Variants in FGF14 observed in about 807,000 individuals in gnomAD.
The protein encoded by FGF14 is fibroblast growth factor 14.
Under a neutral mutation model 25.5 loss-of-function variants are expected in FGF14, and 5 were observed. The ratio of observed to expected loss-of-function variants is 0.20; its 90% confidence interval spans 0.10 to 0.41. FGF14 has a LOEUF of 0.41. Among genes scored for constraint, FGF14 ranks in the 10% least tolerant of loss-of-function variants. The pLI is 1.00. For missense variants in FGF14, 222 were observed against 320.1 expected (o/e 0.69, Z 2.34); for synonymous variants, 138 against 118.3 (o/e 1.17, Z -1.08).
At chr13:102,198,065 C>T (rs1042057929) in intron 1 of FGF14, among the ~76,000 whole-genome samples, 1 of 152,188 alleles carries the variant, frequency 6.6e-6, no homozygotes, top group Non-Finnish European at 1.5e-5. Flanking sequence ...CCAGCTTTAT[C>T]CTTCCCCTAC....
At chr13:102,274,442 A>G (rs1320293588) in intron 1 of FGF14, among the ~76,000 whole-genome samples, 1 of 151,970 alleles carries the variant, frequency 6.6e-6, no homozygotes, top group Non-Finnish European at 1.5e-5. Flanking sequence ...TTTGTCCCCT[A>G]CCCCCACCCA....
chr13:102,360,142 A>C (rs2057526446), intron 1 of FGF14, among the ~76,000 whole-genome samples: 1 of 152,216 alleles, frequency 6.6e-6, no homozygotes, highest in Non-Finnish European at 1.5e-5. Context: ...AATAATTAAT[A>C]CTACTTAAAG....
At chr13:102,162,803 T>A (rs1222938515) in intron 1 of FGF14, among the ~76,000 whole-genome samples, 1 of 152,182 alleles carries the variant, frequency 6.6e-6, no homozygotes, top group Non-Finnish European at 1.5e-5. Context: ...TGTGTTGAAA[T>A]GAGCTGCCAG....
In FGF14 at chr13:101,711,976, T is replaced by C. The variant is rs1197194529; in HGVS notation, c.*10855A>G. On this transcript the variant is annotated 3_prime_UTR_variant, in exon 5 of 5. Transcript: ENST00000376143. The stretch of plus-strand genomic sequence containing the variant: ...CTGAGTTGAACCATTTCTCACCTCT[T>C]GATAGTCATGCAGCCTACATCTGTC... 6.6e-6 allele frequency: 1 copy of C among 152,200 alleles called. No homozygotes were observed. The highest frequency in any genetic ancestry group is 2.4e-5 in the African/African-American group (1 of 41,452). The allele number at this position is 152,200 out of a possible 1,614,324, so 9.4% of individuals were successfully genotyped here.
At chr13:102,060,909 C>T (rs7992504) in intron 1 of FGF14, among the ~76,000 whole-genome samples, 58,822 of 151,992 alleles carry the variant, frequency 0.39, 11,921 homozygotes, top group East Asian at 0.69. Context: ...ACACAAGTAG[C>T]CAGATGTCAA....
At chr13:102,161,643 G>GTC (rs1566765047) in intron 1 of FGF14, among the ~76,000 whole-genome samples, 647 of 12,634 alleles carry the variant, frequency 0.051, 81 homozygotes, top group African/African-American at 0.16. Flanking sequence ...AGAAGAAGAA[G>GTC]AAGAAGAAGA....
chr13:101,949,148 A>G (rs929026028), intron 1 of FGF14, among the ~76,000 whole-genome samples: 3 of 152,182 alleles, frequency 2.0e-5, no homozygotes, highest in Non-Finnish European at 4.4e-5. Flanking sequence ...ATATTTCTAA[A>G]TATGTGCCTC....
intron 1 of FGF14, among the ~76,000 whole-genome samples, chr13:101,908,272 T>G (rs182990186): frequency 5.2e-4 from 79 of 152,322 alleles, no homozygotes; most frequent in African/African-American, 1.9e-3. Flanking sequence ...GGCAGGCAGA[T>G]GGGCTAAACA....
intron 1 of FGF14, among the ~76,000 whole-genome samples, chr13:102,093,669 G>A (rs143869042): frequency 0.012 from 1,762 of 152,256 alleles, 15 homozygotes; most frequent in Middle Eastern, 0.02. Context: ...ACTGCCACTA[G>A]TGATGCTGGA....
intron 3 of FGF14, among the ~76,000 whole-genome samples, chr13:101,808,810 T>C (rs2041341659): frequency 6.6e-6 from 1 of 152,106 alleles, no homozygotes; most frequent in South Asian, 2.1e-4. Context: ...AAAACAGAAA[T>C]ATCTGTAAAT....
Position 102,323,957 on chromosome 13 carries a change from ATGTGTGTGTGTGTGTGTG to A in FGF14, c.208+77496_208+77513del, listed in dbSNP as rs3066051. On this transcript the variant is annotated intron_variant, in intron 1 of 4. Coordinates refer to the FGF14 transcript ENST00000376131. ...TCTTTAAAGGATCCCAACGTGCAGT[ATGTGTGTGTGTGTGTGTG>A]TGTGTGTGTGTGTGTGTGTGTGTGT... is the stretch of plus-strand genomic sequence containing the variant. 3.9e-3 allele frequency among the ~76,000 whole-genome samples: 530 copies of A among 136,522 alleles called. 3 individuals are homozygous for A. The highest frequency in any genetic ancestry group is 0.013 in the African/African-American group (481 of 37,464). The allele number at this position is 136,522 out of a possible 152,430, so 89.6% of individuals were successfully genotyped here.
At chr13:102,347,250 T>C (rs1192896411) in intron 1 of FGF14, among the ~76,000 whole-genome samples, 1 of 152,114 alleles carries the variant, frequency 6.6e-6, no homozygotes, top group Non-Finnish European at 1.5e-5. Context: ...ACATCAGGGA[T>C]TTACAATGAC....
chr13:102,208,644 T>C (rs990021962), intron 1 of FGF14, among the ~76,000 whole-genome samples: 9 of 152,224 alleles, frequency 5.9e-5, no homozygotes, highest in African/African-American at 2.2e-4. Context: ...ACATAGTTTA[T>C]GTTGAGGTAT....
At chr13:102,282,822 T>A (rs1291458760) in intron 1 of FGF14, among the ~76,000 whole-genome samples, 1 of 151,322 alleles carries the variant, frequency 6.6e-6, no homozygotes, top group Non-Finnish European at 1.5e-5. Context: ...ATCACATAGC[T>A]ATCCAATAAA....
intron 1 of FGF14, among the ~76,000 whole-genome samples, chr13:102,093,432 C>T (rs1253023390): frequency 6.6e-6 from 1 of 152,276 alleles, no homozygotes; most frequent in East Asian, 1.9e-4. Flanking sequence ...ACATACTATA[C>T]TACTATAATT....
intron 1 of FGF14, among the ~76,000 whole-genome samples, chr13:102,001,599 G>C (rs1049474915): frequency 6.6e-6 from 1 of 152,150 alleles, no homozygotes; most frequent in Non-Finnish European, 1.5e-5. Context: ...CTGGAGCTGG[G>C]AATATAGATA....
At chr13:101,777,918 C>T (rs1239275197) in intron 3 of FGF14, among the ~76,000 whole-genome samples, 1 of 151,990 alleles carries the variant, frequency 6.6e-6, no homozygotes, top group Admixed American at 6.6e-5. Flanking sequence ...GAGCCGAGAT[C>T]GCACCATTGC....
intron 3 of FGF14, among the ~76,000 whole-genome samples, chr13:101,755,549 TAAATC>T (rs551757666): frequency 0.014 from 2,130 of 152,170 alleles, 54 homozygotes; most frequent in African/African-American, 0.049. Context: ...TGGCTAAAAA[TAAATC>T]AGATCAAATT....
chr13:101,973,544 C>T (rs2037740807), intron 1 of FGF14, among the ~76,000 whole-genome samples: 1 of 152,122 alleles, frequency 6.6e-6, no homozygotes, highest in Non-Finnish European at 1.5e-5. Flanking sequence ...AGGCTGACTG[C>T]AGGCTGAGGA....
Sources: allele counts gnomAD v4.1 joint callset (sites outside exome capture counted in the v4.1 genomes callset), GRCh38; gene constraint gnomAD v4.1.1; transcripts MANE v1.5; gene names NCBI Gene and HGNC (gene_info 2026-07-23, HGNC 2026-07-21).